Variants in CNTNAP5 observed in about 807,000 individuals in gnomAD.
CNTNAP5 encodes the protein contactin associated protein family member 5, also known as contactin-associated protein-like 5.
In CNTNAP5, 72 loss-of-function variants were observed where a neutral mutation model predicts 150.2. The ratio of observed to expected loss-of-function variants is 0.48; its 90% CI spans 0.40 to 0.58. CNTNAP5 has a LOEUF of 0.58. Among genes scored for constraint, CNTNAP5 ranks in the 20% least tolerant of loss-of-function variants. The pLI is 0.00. For missense variants in CNTNAP5, 1,636 were observed against 1,626.2 expected (o/e 1.01, Z -0.10); for synonymous variants, 672 against 619.8 (o/e 1.08, Z -1.25).
rs1678028477 is a variant in CNTNAP5 at position 124,884,071 on chromosome 2, G to A, written c.3436+14309G>A. Among the ~76,000 whole-genome samples the A allele has an allele frequency of 1.3e-5, 2 of 152,176 alleles. 1 individual carries two copies. The highest frequency in any genetic ancestry group is 4.8e-5 in the African/African-American group (2 of 41,530). On this transcript the variant is annotated intron_variant, in intron 21 of 23. Coordinates refer to ENST00000682447, the MANE Select transcript of CNTNAP5 (RefSeq NM_001367498.1). ...CCACTCTGTGTGTATATGTGTATGT[G>A]CATATCTGTCATGTATGTCTGTGTG...
chr2:124,082,232 C>T (rs1381534490), intron 1 of CNTNAP5, among the ~76,000 whole-genome samples: 1 of 151,606 alleles, frequency 6.6e-6, no homozygotes. Flanking sequence ...GCCTGTAGTC[C>T]CAGTTACTCG....
intron 12 of CNTNAP5, among the ~76,000 whole-genome samples, chr2:124,628,562 G>A (rs1677779566): frequency 6.6e-6 from 1 of 152,098 alleles, no homozygotes; most frequent in Non-Finnish European, 1.5e-5. Context: ...AGCTCCTGAA[G>A]GAAGCACTAA....
chr2:124,793,353 A>G (rs1024137789), intron 18 of CNTNAP5, among the ~76,000 whole-genome samples: 1 of 152,208 alleles, frequency 6.6e-6, no homozygotes, highest in Non-Finnish European at 1.5e-5. Context: ...AGAAATGTCT[A>G]ACATCTTTTG....
intron 4 of CNTNAP5, among the ~76,000 whole-genome samples, chr2:124,432,930 A>G (rs1692427961): frequency 6.6e-6 from 1 of 152,248 alleles, no homozygotes; most frequent in South Asian, 2.1e-4. Flanking sequence ...AACACAAATA[A>G]TGTGCCATGC....
chr2:124,231,019 G>A (rs1422163452), intron 2 of CNTNAP5, among the ~76,000 whole-genome samples: 2 of 152,042 alleles, frequency 1.3e-5, no homozygotes, highest in Admixed American at 6.6e-5. Context: ...CTTCCCAGTC[G>A]AATTGTGTAT....
chr2:124,713,249 CTT>C (rs752250123), intron 13 of CNTNAP5, among the ~76,000 whole-genome samples: 22 of 71,338 alleles, frequency 3.1e-4, no homozygotes, highest in Non-Finnish European at 1.9e-4. Flanking sequence ...CTTTCTCTTT[CTT>C]TCTTTCTTTC....
intron 13 of CNTNAP5, among the ~76,000 whole-genome samples, chr2:124,676,324 T>A (rs1318286919): frequency 6.6e-6 from 1 of 152,206 alleles, no homozygotes; most frequent in African/African-American, 2.4e-5. Flanking sequence ...TCTGAGCATG[T>A]GCACAGCCCT....
chr2:124,219,466 T>C (rs1190323332), intron 1 of CNTNAP5, among the ~76,000 whole-genome samples: 1 of 152,164 alleles, frequency 6.6e-6, no homozygotes, highest in Non-Finnish European at 1.5e-5. Context: ...AAGCTGTGAT[T>C]TCTTGTTAAG....
chr2:124,507,685 G>T (rs1488376119), intron 8 of CNTNAP5, among the ~76,000 whole-genome samples: 2 of 152,118 alleles, frequency 1.3e-5, no homozygotes. Context: ...ACAAGGGAGA[G>T]CCTTACAGAA....
intron 11 of CNTNAP5, among the ~76,000 whole-genome samples, chr2:124,583,844 T>C (rs1464497858): frequency 6.6e-6 from 1 of 152,182 alleles, no homozygotes; most frequent in Non-Finnish European, 1.5e-5. Context: ...TGTTTAGCTC[T>C]GTGACAAAGC....
At chr2:124,321,857 A>G (rs1317226951) in intron 3 of CNTNAP5, among the ~76,000 whole-genome samples, 1 of 152,302 alleles carries the variant, frequency 6.6e-6, no homozygotes, top group African/African-American at 2.4e-5. Context: ...TAAATTTAAA[A>G]TGCTTATATC....
chr2:124,535,544 A>T (rs1404333373), intron 10 of CNTNAP5, among the ~76,000 whole-genome samples: 1 of 151,312 alleles, frequency 6.6e-6, no homozygotes, highest in South Asian at 2.1e-4. Context: ...AGGGCGGATC[A>T]CAAGGTCAGG....
At chr2:124,258,877 T>C (rs1296606263) in intron 3 of CNTNAP5, among the ~76,000 whole-genome samples, 5 of 151,392 alleles carry the variant, frequency 3.3e-5, no homozygotes, top group African/African-American at 1.2e-4. Context: ...TTTTTTTTAC[T>C]TTAAGTTTTA....
In CNTNAP5 at chr2:124,918,708, T is replaced by C. The variant is rs926439683; in HGVS notation, c.*4420T>C. 5.9e-5 allele frequency among the ~76,000 whole-genome samples: 9 copies of C among 152,110 alleles called. No individual in the cohort carries two copies. The highest frequency in any genetic ancestry group is 2.2e-4 in the African/African-American group (9 of 41,440). On this transcript the variant is annotated 3_prime_UTR_variant, in exon 24 of 24. Coordinates refer to ENST00000682447, the MANE Select transcript of CNTNAP5 (RefSeq NM_001367498.1). ...TACCAAAAGGCCTTTGGGATACCTGTATGGTTCTGCCAGTCATTCTTCCTT... is the reference window on the plus strand; with the variant it reads ...TACCAAAAGGCCTTTGGGATACCTGCATGGTTCTGCCAGTCATTCTTCCTT...
chr2:124,512,596 C>T (rs757486945), intron 8 of CNTNAP5, among the ~76,000 whole-genome samples: 15 of 152,230 alleles, frequency 9.9e-5, no homozygotes, highest in African/African-American at 2.6e-4. Context: ...GCCATCTCAG[C>T]GCATCCCATT....
chr2:124,201,283 T>C (rs529493114), intron 1 of CNTNAP5, among the ~76,000 whole-genome samples: 10 of 152,276 alleles, frequency 6.6e-5, no homozygotes, highest in African/African-American at 2.2e-4. Flanking sequence ...GAGAATAAAA[T>C]TGAGATGTAA....
intron 1 of CNTNAP5, among the ~76,000 whole-genome samples, chr2:124,087,648 GGAGGCGGAGGTTACAGT>G (rs1682723102): frequency 6.6e-6 from 1 of 151,812 alleles, no homozygotes; most frequent in African/African-American, 2.4e-5. Flanking sequence ...CTTGAATCTG[GGAGGCGGAGGTTACAGT>G]GAGCTGAGAT....
At chr2:124,234,984 A>G (rs1686713612) in intron 2 of CNTNAP5, among the ~76,000 whole-genome samples, 3 of 152,146 alleles carry the variant, frequency 2.0e-5, no homozygotes, top group Admixed American at 1.3e-4. Flanking sequence ...CTGAGCAGAG[A>G]CAGGACTTTT....
intron 19 of CNTNAP5, among the ~76,000 whole-genome samples, chr2:124,807,271 G>A (rs565075098): frequency 1.2e-4 from 19 of 152,272 alleles, no homozygotes; most frequent in African/African-American, 4.6e-4. Flanking sequence ...ACCTCTCGAT[G>A]TTAAGAAATA....
Sources: gnomAD v4.1 joint callset for allele counts (sites outside exome capture counted in the v4.1 genomes callset) on GRCh38, gnomAD v4.1.1 for gene constraint, MANE v1.5 for transcripts, NCBI Gene and HGNC (gene_info 2026-07-23, HGNC 2026-07-21) for gene names.